Variants in SMOC1 observed in about 807,000 individuals in gnomAD.
SMOC1 encodes SPARC-related modular calcium-binding protein 1.
In SMOC1, 22 loss-of-function variants were observed where a neutral mutation model predicts 56.3. The ratio of observed to expected loss-of-function variants is 0.39; its 90% CI spans 0.28 to 0.56. The LOEUF (loss-of-function observed/expected upper bound fraction) is 0.56. Ranked by LOEUF, SMOC1 falls within the 20% of genes least tolerant of loss-of-function variation. The pLI is 0.61. For synonymous variants in SMOC1, 193 were observed against 215.0 expected, an observed-to-expected ratio of 0.90 and a Z score of 0.89; for missense variants, 509 against 565.4, an observed-to-expected ratio of 0.90 and a Z score of 1.01.
At chr14:69,978,868 G>T (rs1884073803) in intron 5 of SMOC1, among the ~76,000 whole-genome samples, 1 of 152,150 alleles carries the variant, frequency 6.6e-6, no homozygotes, top group African/African-American at 2.4e-5. Context: ...ATGAGCCATA[G>T]GTCCCTGGAA....
At position 69,925,862 on chromosome 14, in the gene SMOC1, C is replaced by G. The variant is rs78790615; in HGVS notation, c.100-26276C>G. On this transcript the variant is annotated intron_variant, in intron 1 of 11. Transcript: ENST00000361956. ...TATCAGAATGGGCAGAGCAGGAAAT[C>G]AAACCCTGTTTCTTGCTTATATCTC... 3.4e-3 allele frequency among the ~76,000 whole-genome samples: 524 copies of G among 152,248 alleles called. 4 individuals are homozygous for G. The highest frequency in any genetic ancestry group is 0.012 in the African/African-American group (502 of 41,534).
At chr14:69,899,066 G>A (rs2139321729) in intron 1 of SMOC1, among the ~76,000 whole-genome samples, 1 of 152,278 alleles carries the variant, frequency 6.6e-6, no homozygotes, top group South Asian at 2.1e-4. Context: ...GAGCATGATG[G>A]CTAGGGTGGG....
At chr14:70,018,883 C>T (rs1885613397) in intron 10 of SMOC1, among the ~76,000 whole-genome samples, 1 of 152,244 alleles carries the variant, frequency 6.6e-6, no homozygotes, top group African/African-American at 2.4e-5. Context: ...CCAGCCGCAC[C>T]CGCACAGCTG....
intron 1 of SMOC1, among the ~76,000 whole-genome samples, chr14:69,946,744 G>A (rs1165466582): frequency 6.6e-6 from 1 of 152,252 alleles, no homozygotes; most frequent in East Asian, 1.9e-4. Context: ...TTGGAAATTT[G>A]TCCCCACCCA....
intron 1 of SMOC1, among the ~76,000 whole-genome samples, chr14:69,918,524 G>A (rs1240950205): frequency 6.6e-6 from 1 of 152,076 alleles, no homozygotes. Flanking sequence ...CACCACGCTC[G>A]GCTGATCCTG....
intron 10 of SMOC1, among the ~76,000 whole-genome samples, chr14:70,015,904 A>G (rs867929873): frequency 6.6e-6 from 1 of 152,166 alleles, no homozygotes; most frequent in Non-Finnish European, 1.5e-5. Flanking sequence ...TTATGTTTAT[A>G]TTTATGTTTA....
chr14:69,997,141 G>A (rs905206345), intron 7 of SMOC1, among the ~76,000 whole-genome samples: 2 of 152,164 alleles, frequency 1.3e-5, no homozygotes, highest in African/African-American at 4.8e-5. Context: ...TGTGTGTATG[G>A]GGATGTCTTA....
chr14:69,894,042 C>T (rs1884032853), intron 1 of SMOC1, among the ~76,000 whole-genome samples: 1 of 152,144 alleles, frequency 6.6e-6, no homozygotes, highest in Non-Finnish European at 1.5e-5. Context: ...TCTTGAACTT[C>T]CAGCTTCAGA....
chr14:69,976,712 C>T (rs1163751724), intron 4 of SMOC1, among the ~76,000 whole-genome samples: 1 of 152,208 alleles, frequency 6.6e-6, no homozygotes, highest in East Asian at 1.9e-4. Flanking sequence ...AAGCCTGTCT[C>T]ACCCATCAGC....
chr14:70,005,661 G>A (rs1400933704), intron 7 of SMOC1, among the ~76,000 whole-genome samples: 1 of 152,198 alleles, frequency 6.6e-6, no homozygotes, highest in East Asian at 1.9e-4. Context: ...CTCTTAGGCA[G>A]TCAGAGGTTT....
Position 69,953,602 on chromosome 14 carries a change from G to A in SMOC1, c.378+70G>A, listed in dbSNP as rs567165976. On this transcript the variant is annotated intron_variant, in intron 3 of 11. Coordinates refer to ENST00000361956, the MANE Select transcript of SMOC1 (RefSeq NM_001034852.3). ...CAGAGGGGAGGTGTCCCGAGAGCGC[G>A]AGGGCTGCTTGGCGCCTTCACTTTC... 1.3e-4 allele frequency: 176 copies of A among 1,326,524 alleles called. No individual in the cohort carries two copies. In the African/African-American group the frequency reaches 2.2e-3, roughly 17 times the overall value. The allele number at this position is 1,326,524 out of a possible 1,614,324, so 82.2% of individuals were successfully genotyped here.
chr14:69,892,902 C>T (rs999733493), intron 1 of SMOC1, among the ~76,000 whole-genome samples: 1 of 152,132 alleles, frequency 6.6e-6, no homozygotes, highest in African/African-American at 2.4e-5. Context: ...CTTAAATATG[C>T]TATTCTGTTT....
chr14:69,933,671 C>G (rs1030800199), intron 1 of SMOC1, among the ~76,000 whole-genome samples: 1 of 152,072 alleles, frequency 6.6e-6, no homozygotes, highest in African/African-American at 2.4e-5. Context: ...GTGCACACCA[C>G]CACGCCTGGC....
chr14:69,923,835 CAGG>C (rs1177922179), intron 1 of SMOC1, among the ~76,000 whole-genome samples: 1 of 152,160 alleles, frequency 6.6e-6, no homozygotes, highest in Non-Finnish European at 1.5e-5. Context: ...CAGAATAGGG[CAGG>C]AGAAGAGGCT....
chr14:69,939,725 A>G lies in SMOC1; in HGVS notation c.100-12413A>G, dbSNP rs1465248260. Among the ~76,000 whole-genome samples, 3 of 152,062 alleles carry G rather than the reference A, an allele frequency of 2.0e-5. No individual in the cohort carries two copies. In the East Asian group the frequency reaches 5.8e-4, roughly 29 times the overall value. ...ATACAATAGTGCCACATTCACATTT[A>G]CTCCTAAATTACAATGACTCTAAGA... On this transcript the variant is annotated intron_variant, in intron 1 of 11. Coordinates refer to ENST00000361956, the MANE Select transcript of SMOC1 (RefSeq NM_001034852.3).
At chr14:69,969,634 C>T (rs1383103337) in intron 3 of SMOC1, among the ~76,000 whole-genome samples, 4 of 152,210 alleles carry the variant, frequency 2.6e-5, no homozygotes, top group Non-Finnish European at 5.9e-5. Flanking sequence ...TACATTTCAA[C>T]ATGAGATTTG....
At chr14:69,921,927 G>A (rs1040731910) in intron 1 of SMOC1, among the ~76,000 whole-genome samples, 2 of 152,198 alleles carry the variant, frequency 1.3e-5, no homozygotes, top group Admixed American at 1.3e-4. Flanking sequence ...AAGTGCTCTG[G>A]ATGAATTGGG....
intron 11 of SMOC1, among the ~76,000 whole-genome samples, chr14:70,026,216 G>A (rs183402271): frequency 5.9e-5 from 9 of 152,278 alleles, no homozygotes; most frequent in Admixed American, 3.9e-4. Flanking sequence ...GGCCAATGTC[G>A]GGAAGAGACC....
intron 2 of SMOC1, among the ~76,000 whole-genome samples, chr14:69,953,209 G>A (rs971387633): frequency 2.0e-5 from 3 of 152,174 alleles, no homozygotes; most frequent in Admixed American, 6.5e-5. Flanking sequence ...CAGAACTTGG[G>A]ATAAACACGA....
Sources: allele counts gnomAD v4.1 joint callset (sites outside exome capture counted in the v4.1 genomes callset), GRCh38; gene constraint gnomAD v4.1.1; transcripts MANE v1.5; gene names NCBI Gene and HGNC (gene_info 2026-07-23, HGNC 2026-07-21).